PLEKHD1: variants seen among roughly 807,000 people sequenced by gnomAD.
PLEKHD1 encodes the protein pleckstrin homology and coiled-coil domain containing D1, also known as pleckstrin homology domain-containing family D member 1.
In PLEKHD1, 51 loss-of-function variants were observed where a neutral mutation model predicts 69.2. The ratio of observed to expected loss-of-function variants is 0.74; its 90% CI spans 0.59 to 0.93. The LOEUF (loss-of-function observed/expected upper bound fraction) is 0.93, where lower values mean the gene tolerates loss of function less well. Among genes scored for constraint, PLEKHD1 ranks in the 40% least tolerant of loss-of-function variants. PLEKHD1 has a pLI of 0.00. For synonymous variants in PLEKHD1, 236 were observed against 244.7 expected (o/e 0.96, Z 0.33); for missense variants, 584 against 641.0 (o/e 0.91, Z 0.96).
At chr14:69,488,161 A>G (rs1016326364) in intron 1 of PLEKHD1, among the ~76,000 whole-genome samples, 1 of 152,202 alleles carries the variant, frequency 6.6e-6, no homozygotes, top group African/African-American at 2.4e-5. Context: ...ACCTGGTGCC[A>G]GTGGAGCCAT....
chr14:69,518,187 A>G (rs1417000016), intron 6 of PLEKHD1, among the ~76,000 whole-genome samples: 6 of 151,960 alleles, frequency 3.9e-5, no homozygotes, highest in African/African-American at 1.5e-4. Flanking sequence ...GGCTTGTACC[A>G]CCATACCTGG....
chr14:69,499,021 A>G (rs1223198621), intron 1 of PLEKHD1, among the ~76,000 whole-genome samples: 1 of 152,068 alleles, frequency 6.6e-6, no homozygotes, highest in Non-Finnish European at 1.5e-5. Context: ...AAATGCTTAC[A>G]CTAGGCTCTT....
chr14:69,502,551 T>G lies in PLEKHD1; in HGVS notation c.503-276T>G, dbSNP rs2139507667. 8.6e-6 allele frequency: 4 copies of G among 466,600 alleles called. No homozygotes were observed. The South Asian group carries it at 8.7e-5, about 10-fold the overall frequency. 28.9% of individuals were successfully genotyped at this position (466,600 alleles called of 1,614,324 possible). A position where few individuals can be genotyped will look rare whatever the true frequency, so the allele number is the denominator to read the frequency against. The stretch of plus-strand genomic sequence containing the variant: ...AAGGTGGGTGTGGGACTAGCCCAGG[T>G]GCAGCAGGCCTGGGGGATGCAGAGA... On this transcript the variant is annotated intron_variant, in intron 5 of 12. Transcript: ENST00000322564.
At chr14:69,504,965 G>T (rs1325936635) in intron 6 of PLEKHD1, among the ~76,000 whole-genome samples, 1 of 152,238 alleles carries the variant, frequency 6.6e-6, no homozygotes, top group Non-Finnish European at 1.5e-5. Context: ...CACTGGCAGG[G>T]AGAGAGACAG....
At chr14:69,509,292 T>G (rs914839957) in intron 6 of PLEKHD1, among the ~76,000 whole-genome samples, 12 of 152,374 alleles carry the variant, frequency 7.9e-5, no homozygotes, top group Admixed American at 1.3e-4. Flanking sequence ...GAATGTTTTC[T>G]CCTAGTTTGT....
At chr14:69,483,249 G>A (rs142081612), upstream of PLEKHD1, among the ~76,000 whole-genome samples, 40 of 152,174 alleles carry the variant, frequency 2.6e-4, no homozygotes, top group African/African-American at 9.6e-4. Context: ...GGGGTTAAGG[G>A]AAGAGTACCA....
At chr14:69,517,937 T>C (rs1478246477) in intron 6 of PLEKHD1, among the ~76,000 whole-genome samples, 4 of 152,168 alleles carry the variant, frequency 2.6e-5, no homozygotes, top group Non-Finnish European at 5.9e-5. Context: ...TACTCTAATG[T>C]GTCTGATTAT....
intron 10 of PLEKHD1, 113 bp from the exon 11 acceptor site, chr14:69,527,075 A>G (rs538216836): frequency 1.8e-4 from 235 of 1,332,398 alleles, no homozygotes; most frequent in Admixed American, 9.1e-4. Flanking sequence ...GCGGGATGTG[A>G]TAACTCCCAT....
upstream of PLEKHD1, chr14:69,484,598 C>T (rs1275777843): frequency 5.8e-6 from 1 of 172,430 alleles, no homozygotes; most frequent in Non-Finnish European, 1.2e-5. Context: ...CGAGGCCGGC[C>T]TCCCGCCGGC....
intron 1 of PLEKHD1, among the ~76,000 whole-genome samples, chr14:69,498,389 G>A (rs111593800): frequency 0.016 from 2,417 of 151,628 alleles, 63 homozygotes; most frequent in African/African-American, 0.055. Context: ...TTCTATTTTT[G>A]AAAAAGAAAA....
At chr14:69,477,222 A>T in the PLEKHD1 span, among the ~76,000 whole-genome samples, 1 of 152,142 alleles carries the variant, frequency 6.6e-6, no homozygotes, top group Non-Finnish European at 1.5e-5. Context: ...CACATTGGTC[A>T]GGCTGGCCCT....
At chr14:69,484,683 A>G, upstream of PLEKHD1, 1 of 339,250 alleles carries the variant, frequency 2.9e-6, no homozygotes, top group South Asian at 6.8e-5. Context: ...CTAGGGCGGG[A>G]GGGGAGGAGA....
At chr14:69,526,537 C>T (rs1405537252) in intron 9 of PLEKHD1, among the ~76,000 whole-genome samples, 160 bp from the exon 10 acceptor site, 2 of 152,140 alleles carry the variant, frequency 1.3e-5, no homozygotes, top group African/African-American at 4.8e-5. Flanking sequence ...ACCACACCAT[C>T]AATCTCATCC....
chr14:69,522,278 T>C lies in PLEKHD1; in HGVS notation c.556-5T>C. 6.4e-7 allele frequency: 1 copy of C among 1,551,282 alleles called. No homozygotes were observed. Among genetic ancestry groups the C allele is most frequent in the South Asian group, 1.2e-5 (1 of 84,040 alleles). On this transcript the variant is annotated splice_region_variant and splice_polypyrimidine_tract_variant and intron_variant, in intron 6 of 12. Coordinates refer to ENST00000322564, the MANE Select transcript of PLEKHD1 (RefSeq NM_001161498.2). ...GACTCTTCTCTTCCTCTCTGGTCTC[T>C]TCAGGAGCTTGAGCGCCTTAACCAG...
intron 7 of PLEKHD1, 126 bp from the exon 8 acceptor site, chr14:69,524,103 G>A: frequency 1.4e-6 from 1 of 716,774 alleles, no homozygotes; most frequent in Non-Finnish European, 2.4e-6. Context: ...GTGCAGAGGG[G>A]CTGGCCATTC....
chr14:69,469,530 C>G, the PLEKHD1 span, among the ~76,000 whole-genome samples: 1 of 151,998 alleles, frequency 6.6e-6, no homozygotes, highest in Admixed American at 6.6e-5. Context: ...CTGCCTGAGA[C>G]TTCTGAGTAG....
At chr14:69,522,491 C>G in intron 7 of PLEKHD1, 114 bp downstream of exon 7, 4 of 1,140,054 alleles carry the variant, frequency 3.5e-6, no homozygotes, top group Non-Finnish European at 3.8e-6. Flanking sequence ...TCCCAAGGCT[C>G]CAGGCTTGGG....
At chr14:69,512,780 G>T (rs1037478778) in intron 6 of PLEKHD1, among the ~76,000 whole-genome samples, 1 of 151,824 alleles carries the variant, frequency 6.6e-6, no homozygotes, top group Non-Finnish European at 1.5e-5. Context: ...TATATTTGTG[G>T]TCTGGGCACA....
At chr14:69,481,408 A>G (rs1882539556), upstream of PLEKHD1, among the ~76,000 whole-genome samples, 1 of 152,232 alleles carries the variant, frequency 6.6e-6, no homozygotes. Flanking sequence ...TTGCTTTGTC[A>G]GTTCTACAGG....
Sources: allele counts gnomAD v4.1 joint callset (sites outside exome capture counted in the v4.1 genomes callset), GRCh38; gene constraint gnomAD v4.1.1; transcripts MANE v1.5; gene names NCBI Gene and HGNC (gene_info 2026-07-23, HGNC 2026-07-21).